Variants in MTUS2 observed in about 807,000 individuals in gnomAD.
MTUS2 encodes the protein microtubule-associated tumor suppressor candidate 2.
In MTUS2, 40 loss-of-function variants were observed where a neutral mutation model predicts 114.1. That is an observed-to-expected ratio of 0.35 (90% CI 0.27 to 0.46). MTUS2 has a LOEUF of 0.46. Among genes scored for constraint, MTUS2 ranks in the 20% least tolerant of loss-of-function variants. MTUS2 has a pLI of 1.00. For synonymous variants in MTUS2, 688 were observed against 672.0 expected (o/e 1.02, Z -0.37); for missense variants, 1,679 against 1,705.4 (o/e 0.98, Z 0.27).
rs1423628365 is a variant in MTUS2 at position 29,468,556 on chromosome 13, C to T, written c.3185-11594C>T. On this transcript the variant is annotated intron_variant, in intron 9 of 15. Transcript: ENST00000612955. ...AGATTGCATCACTGCACTCCAGCCC[C>T]GGTGACAGGGTGAGACCCTGTCTCA... Among the ~76,000 whole-genome samples, 4 of 151,624 alleles carry T rather than the reference C, an allele frequency of 2.6e-5. No homozygotes were observed. The South Asian group carries it at 6.3e-4, about 24-fold the overall frequency.
rs1407397762 is a variant in MTUS2, at chr13:29,196,096, A to AG, written c.2645-85607dup. Reference sequence around the variant, plus strand: ...CAATGACACAGGACTAAACTACTGCAGATTTTTTTTTTTTTTTTGAGATGG... The same window carrying AG: ...CAATGACACAGGACTAAACTACTGCAGGATTTTTTTTTTTTTTTTGAGATGG... On this transcript the variant is annotated intron_variant, in intron 5 of 15. Coordinates refer to ENST00000612955, the MANE Select transcript of MTUS2 (RefSeq NM_001033602.4). Among the ~76,000 whole-genome samples the AG allele has an allele frequency of 2.3e-4, 34 of 147,158 alleles. No individual in the cohort carries two copies. The East Asian group carries it at 6.7e-3, about 29-fold the overall frequency.
At position 29,480,441 on chromosome 13, in the gene MTUS2, G is replaced by C; in HGVS notation, c.3399+77G>C. Reference sequence around the variant, plus strand: ...GCGGCGGGGATCCAGTGCCACATTAGCAAGAAGTCCTATTCAGTAGGTGAG... The same window carrying C: ...GCGGCGGGGATCCAGTGCCACATTACCAAGAAGTCCTATTCAGTAGGTGAG... On this transcript the variant is annotated intron_variant, in intron 10 of 15. Coordinates refer to ENST00000612955, the MANE Select transcript of MTUS2 (RefSeq NM_001033602.4). The surrounding 1 kb of genome is among the most constrained non-coding windows in gnomAD (Gnocchi z 4.4). 1 of 1,408,804 alleles carries C rather than the reference G, an allele frequency of 7.1e-7. No individual in the cohort carries two copies. The highest frequency in any genetic ancestry group is 9.4e-7 in the Non-Finnish European group (1 of 1,060,030). The allele number at this position is 1,408,804 out of a possible 1,614,324, so 87.3% of individuals were successfully genotyped here.
At chr13:29,388,090 A>T (rs2033591561) in intron 8 of MTUS2, among the ~76,000 whole-genome samples, 1 of 152,066 alleles carries the variant, frequency 6.6e-6, no homozygotes, top group Non-Finnish European at 1.5e-5. Flanking sequence ...AGAGCCCAAG[A>T]AGGACTGTCC....
intron 4 of MTUS2, among the ~76,000 whole-genome samples, chr13:29,038,466 G>A (rs1236688264): frequency 6.6e-6 from 1 of 152,218 alleles, no homozygotes; most frequent in Non-Finnish European, 1.5e-5. Flanking sequence ...TCCTGTATGA[G>A]GTGTCTGTCT....
At chr13:29,252,153 A>G (rs1897142752) in intron 5 of MTUS2, among the ~76,000 whole-genome samples, 1 of 152,156 alleles carries the variant, frequency 6.6e-6, no homozygotes, top group Non-Finnish European at 1.5e-5. Context: ...TTTACAGGTA[A>G]TAGTATTTTT....
intron 9 of MTUS2, among the ~76,000 whole-genome samples, chr13:29,448,520 C>G (rs1259810977): frequency 1.3e-5 from 2 of 151,700 alleles, no homozygotes; most frequent in Non-Finnish European, 2.9e-5. Context: ...CAGATATTGC[C>G]CAATTCACCT....
At chr13:29,459,530 G>T (rs1379873094) in intron 9 of MTUS2, among the ~76,000 whole-genome samples, 2 of 152,092 alleles carry the variant, frequency 1.3e-5, no homozygotes, top group Non-Finnish European at 1.5e-5. Flanking sequence ...CACCACTGGG[G>T]ATACATTTGA....
intron 4 of MTUS2, among the ~76,000 whole-genome samples, chr13:29,040,858 C>T (rs747618369): frequency 1.3e-5 from 2 of 151,968 alleles, no homozygotes; most frequent in African/African-American, 4.8e-5. Flanking sequence ...GGATATTAGT[C>T]CTTTGTCAGA....
At position 29,026,066 on chromosome 13, in the gene MTUS2, A is replaced by C; in HGVS notation, c.1368A>C (p.Glu456Asp). The C allele has an allele frequency of 6.2e-7, 1 of 1,613,988 alleles. No homozygotes were observed. Among genetic ancestry groups the C allele is most frequent in the Non-Finnish European group, 8.5e-7 (1 of 1,179,878 alleles). The change falls in exon 3 of 16, where the codon GAA becomes GAC. Residue 456 changes from glutamate to aspartate, a missense_variant. This residue lies in a region of MTUS2 where 843 missense variants were observed against 770.8 expected (regional missense o/e 1.09). Transcript: ENST00000612955. ...AGCCCTTGGATGTCATTGAGGAGGA[A>C]AGGCGGTTGGGCAGTGGGAATAAGG... Reference protein sequence around the residue: ...DSKPLDVIEEERRLGSGNKDS... With the variant: ...DSKPLDVIEEDRRLGSGNKDS...
intron 5 of MTUS2, among the ~76,000 whole-genome samples, chr13:29,139,232 A>G (rs1892114422): frequency 6.6e-6 from 1 of 152,148 alleles, no homozygotes; most frequent in Non-Finnish European, 1.5e-5. Flanking sequence ...CACAAGCACA[A>G]AATGGTTAAC....
intron 2 of MTUS2, among the ~76,000 whole-genome samples, chr13:28,841,546 G>C (rs1314225509): frequency 6.6e-6 from 1 of 152,204 alleles, no homozygotes; most frequent in East Asian, 1.9e-4. Context: ...ATGCCATGCT[G>C]TGGACACAAA....
At chr13:28,879,874 C>G (rs528207357) in intron 2 of MTUS2, among the ~76,000 whole-genome samples, 1 of 151,942 alleles carries the variant, frequency 6.6e-6, no homozygotes, top group African/African-American at 2.4e-5. Context: ...GTTCAGTAAC[C>G]CAGGTAGAAG....
At chr13:28,917,670 C>T (rs1172210346) in intron 2 of MTUS2, among the ~76,000 whole-genome samples, 3 of 151,474 alleles carry the variant, frequency 2.0e-5, no homozygotes, top group African/African-American at 4.8e-5. Flanking sequence ...TTTCAAAAAA[C>T]CAAGATTTTA....
At chr13:29,479,837 T>C (rs965048626) in intron 9 of MTUS2, among the ~76,000 whole-genome samples, 2 of 152,184 alleles carry the variant, frequency 1.3e-5, no homozygotes, top group Non-Finnish European at 2.9e-5. Flanking sequence ...CCACGGACCT[T>C]GTGACAACCT....
chr13:29,393,876 A>G (rs145906221), intron 8 of MTUS2, among the ~76,000 whole-genome samples: 28 of 152,292 alleles, frequency 1.8e-4, no homozygotes, highest in Non-Finnish European at 3.4e-4. Context: ...TCATAGGTAG[A>G]TAAAAGACAA....
At chr13:29,031,808 C>A (rs1393904634) in intron 3 of MTUS2, among the ~76,000 whole-genome samples, 1 of 152,088 alleles carries the variant, frequency 6.6e-6, no homozygotes, top group Non-Finnish European at 1.5e-5. Context: ...CCTTCCCCCA[C>A]CACTATCCCA....
intron 5 of MTUS2, among the ~76,000 whole-genome samples, chr13:29,143,277 A>G (rs1278849586): frequency 6.6e-6 from 1 of 152,210 alleles, no homozygotes; most frequent in African/African-American, 2.4e-5. Flanking sequence ...AATAAAATGG[A>G]AAAAACACAG....
rs547145657 is a variant in MTUS2, at chr13:28,955,219, T to G, written c.-242-69238T>G. 1.9e-4 allele frequency among the ~76,000 whole-genome samples: 29 copies of G among 152,338 alleles called. No individual in the cohort carries two copies. The South Asian group carries it at 5.6e-3, about 29-fold the overall frequency. On this transcript the variant is annotated intron_variant, in intron 2 of 15. Transcript: ENST00000612955. ...GCCCACAGTAATACCAGCCTGACAT[T>G]GCACGATTTCTGTGAAGTTTTGCGT...
rs1890378954 is a variant in MTUS2 at position 29,100,797 on chromosome 13, C to T, written c.2471C>T (p.Ser824Leu). 6.4e-7 allele frequency: 1 copy of T among 1,551,592 alleles called. No homozygotes were observed. The highest frequency in any genetic ancestry group is 8.7e-7 in the Non-Finnish European group (1 of 1,146,976). Residue 824 changes from serine to leucine, a missense_variant, in exon 5 of 16, where the codon TCA becomes TTA. By Grantham distance (145) the Ser-to-Leu change is moderately radical. Coordinates refer to ENST00000612955, the MANE Select transcript of MTUS2 (RefSeq NM_001033602.4). ...PSADLKKASS[S>L]NAAKSNLPKS... is the part of the protein sequence containing the mutation. Reference sequence around the variant, plus strand: ...GCAGATTTAAAGAAAGCTTCCAGTTCAAATGCTGCAAAATCCAATCTCCCG... The same window carrying T: ...GCAGATTTAAAGAAAGCTTCCAGTTTAAATGCTGCAAAATCCAATCTCCCG...
Sources: gnomAD v4.1 joint callset for allele counts (sites outside exome capture counted in the v4.1 genomes callset) on GRCh38, gnomAD v4.1.1 for gene constraint, gnomAD v4.1.1 regional missense constraint, Gnocchi (gnomAD v3.1) non-coding constraint, MANE v1.5 for transcripts, NCBI Gene and HGNC (gene_info 2026-07-23, HGNC 2026-07-21) for gene names.